WWOX: variants seen among roughly 807,000 people sequenced by gnomAD.
WWOX encodes the protein WW domain-containing oxidoreductase.
A neutral mutation model predicts 46.2 loss-of-function variants in WWOX; 69 were observed. The ratio of observed to expected loss-of-function variants is 1.49; its 90% CI spans 1.23 to 1.82. The LOEUF (loss-of-function observed/expected upper bound fraction) is 1.82, where lower values mean the gene tolerates loss of function less well. Among genes scored for constraint, WWOX ranks in the 40% most tolerant of loss-of-function variants. WWOX has a pLI of 0.00. For missense variants in WWOX, 919 were observed against 542.6 expected, an observed-to-expected ratio of 1.69 and a Z score of -6.89; for synonymous variants, 359 against 202.6, an observed-to-expected ratio of 1.77 and a Z score of -6.56.
intron 8 of WWOX, among the ~76,000 whole-genome samples, chr16:78,710,639 G>C (rs926216542): frequency 6.7e-6 from 1 of 149,382 alleles, no homozygotes; most frequent in East Asian, 2.0e-4. Flanking sequence ...TTTTGAGACA[G>C]GGTCTTGCTC....
At position 78,944,475 on chromosome 16, in the gene WWOX, C is replaced by T. The variant is rs1038404440; in HGVS notation, c.1057-267133C>T. Among the ~76,000 whole-genome samples, 3 of 152,146 alleles carry T rather than the reference C, an allele frequency of 2.0e-5. No individual in the cohort carries two copies. In the South Asian group the frequency reaches 6.2e-4, roughly 32 times the overall value. ...CAATATGATACTCTGAACATCTTCT[C>T]TGACAAAAACTGGTCCTCAAGATAC... is the stretch of plus-strand genomic sequence containing the variant. On this transcript the variant is annotated intron_variant, in intron 8 of 8. Transcript: ENST00000566780.
At chr16:79,078,727 A>G (rs1388722413) in intron 8 of WWOX, among the ~76,000 whole-genome samples, 1 of 152,222 alleles carries the variant, frequency 6.6e-6, no homozygotes, top group Non-Finnish European at 1.5e-5. Flanking sequence ...TTATAGCCAG[A>G]TTGGACTCAA....
intron 8 of WWOX, among the ~76,000 whole-genome samples, chr16:79,115,677 C>G (rs532008242): frequency 3.9e-5 from 6 of 152,254 alleles, no homozygotes; most frequent in African/African-American, 1.2e-4. Context: ...TGCAGGGGGC[C>G]TCTCCCAGCC....
intron 4 of WWOX, among the ~76,000 whole-genome samples, chr16:78,141,644 A>G (rs759881316): frequency 1.1e-4 from 17 of 152,294 alleles, no homozygotes; most frequent in African/African-American, 3.6e-4. Context: ...ACATACTTCC[A>G]TTAAATACAC....
At chr16:79,058,610 C>G (rs890777239) in intron 8 of WWOX, among the ~76,000 whole-genome samples, 7 of 152,260 alleles carry the variant, frequency 4.6e-5, no homozygotes, top group Admixed American at 3.9e-4. Context: ...CTTTATGAAG[C>G]TGGCCTAATC....
chr16:78,106,426 T>G (rs991325533), intron 1 of WWOX, among the ~76,000 whole-genome samples: 3 of 146,810 alleles, frequency 2.0e-5, no homozygotes, highest in South Asian at 2.2e-4. Flanking sequence ...TTTTTGTTTT[T>G]TTTTTTTTTT....
intron 8 of WWOX, among the ~76,000 whole-genome samples, chr16:78,570,475 A>T (rs554378482): frequency 6.6e-5 from 10 of 151,908 alleles, no homozygotes; most frequent in Middle Eastern, 6.8e-3. Flanking sequence ...TGCCTGCCTA[A>T]TTTTTTTTAA....
chr16:79,051,070 A>G (rs963911444), intron 8 of WWOX, among the ~76,000 whole-genome samples: 1 of 152,174 alleles, frequency 6.6e-6, no homozygotes, highest in Non-Finnish European at 1.5e-5. Flanking sequence ...TAGCCATTAT[A>G]TTTGCTGCCA....
At position 78,775,458 on chromosome 16, in the gene WWOX, C is replaced by T. The variant is rs534779509; in HGVS notation, c.1056+342706C>T. On this transcript the variant is annotated intron_variant, in intron 8 of 8. Transcript: ENST00000566780. The stretch of plus-strand genomic sequence containing the variant: ...TGTCTACTCCAAGAACTGAGATACC[C>T]AGACTCATTTCTCATCTCTTGTTGA... 1.4e-3 allele frequency among the ~76,000 whole-genome samples: 218 copies of T among 152,274 alleles called. 1 individual carries two copies. Among genetic ancestry groups the T allele is most frequent in the African/African-American group, 5.2e-3 (216 of 41,562 alleles).
At chr16:79,193,693 TC>T (rs2051182388) in intron 8 of WWOX, among the ~76,000 whole-genome samples, 1 of 152,162 alleles carries the variant, frequency 6.6e-6, no homozygotes, top group African/African-American at 2.4e-5. Flanking sequence ...CCAGGTGAGA[TC>T]CCACTGGTTT....
intron 8 of WWOX, among the ~76,000 whole-genome samples, chr16:78,453,401 C>T (rs59404910): frequency 0.12 from 18,034 of 149,564 alleles, 1,687 homozygotes; most frequent in African/African-American, 0.26. Flanking sequence ...TCAGCCTGGG[C>T]GCATGAGCGA....
rs780939546 is a variant in WWOX at position 79,211,697 on chromosome 16, C to T, written c.1146C>T (p.Cys382=). ...TGTACTTCAACAACTGCTGCCGCTGCATGCCCTCACCAGAAGCTCAGAGCG... is the reference window on the plus strand; with the variant it reads ...TGTACTTCAACAACTGCTGCCGCTGTATGCCCTCACCAGAAGCTCAGAGCG... ...GGMYFNNCCR[C]MPSPEAQSEE... The change falls in exon 9 of 9, where the codon TGC becomes TGT. Residue 382 remains cysteine (C), a synonymous_variant. Transcript: ENST00000566780. 40 of 1,614,136 alleles carry T rather than the reference C, an allele frequency of 2.5e-5. 1 individual carries two copies. The Middle Eastern group carries it at 1.8e-3, about 73-fold the overall frequency.
chr16:78,741,621 G>A (rs1285333923), intron 8 of WWOX, among the ~76,000 whole-genome samples: 1 of 152,040 alleles, frequency 6.6e-6, no homozygotes, highest in Admixed American at 6.5e-5. Flanking sequence ...TTGGGAGGCT[G>A]AGGTGGGTGG....
chr16:78,833,713 C>T (rs2051895916), intron 8 of WWOX, among the ~76,000 whole-genome samples: 1 of 152,212 alleles, frequency 6.6e-6, no homozygotes, highest in Non-Finnish European at 1.5e-5. Flanking sequence ...AATGCTGTTA[C>T]CTCAGCATCC....
intron 8 of WWOX, among the ~76,000 whole-genome samples, chr16:78,994,655 G>A (rs903513012): frequency 6.6e-6 from 1 of 152,176 alleles, no homozygotes; most frequent in African/African-American, 2.4e-5. Flanking sequence ...TAATGGGCCA[G>A]GAAGCCCAAT....
intron 5 of WWOX, among the ~76,000 whole-genome samples, chr16:78,172,770 A>G (rs2035205307): frequency 6.6e-6 from 1 of 152,158 alleles, no homozygotes; most frequent in South Asian, 2.1e-4. Context: ...CCCAAAGCAG[A>G]TGCATCCTTT....
intron 8 of WWOX, among the ~76,000 whole-genome samples, chr16:78,577,220 T>A (rs1241699409): frequency 6.6e-6 from 1 of 152,204 alleles, no homozygotes; most frequent in Non-Finnish European, 1.5e-5. Context: ...AGAAGGGAAA[T>A]TGTATGCCTT....
chr16:78,401,676 G>A (rs1437187403), intron 6 of WWOX, among the ~76,000 whole-genome samples: 1 of 151,956 alleles, frequency 6.6e-6, no homozygotes, highest in Non-Finnish European at 1.5e-5. Flanking sequence ...TTTTAATTGA[G>A]ACATAATTTA....
At chr16:78,353,239 C>T (rs997900533) in intron 5 of WWOX, among the ~76,000 whole-genome samples, 1 of 152,094 alleles carries the variant, frequency 6.6e-6, no homozygotes. Flanking sequence ...TATGTAGGGG[C>T]CCGTGTATAA....
Sources: gnomAD v4.1 joint callset for allele counts (sites outside exome capture counted in the v4.1 genomes callset) on GRCh38, gnomAD v4.1.1 for gene constraint, MANE v1.5 for transcripts, NCBI Gene and HGNC (gene_info 2026-07-23, HGNC 2026-07-21) for gene names.